ASCC3: variants seen among roughly 807,000 people sequenced by gnomAD.
ASCC3 encodes the protein ASC-1 complex subunit P200.
ASCC3 carries 158 observed loss-of-function variants against 256.3 expected under a neutral mutation model. The observed-to-expected ratio is 0.62, with a 90% CI of 0.54 to 0.70. The LOEUF (loss-of-function observed/expected upper bound fraction) is 0.70, where lower values mean the gene tolerates loss of function less well. Among genes scored for constraint, ASCC3 ranks in the 30% least tolerant of loss-of-function variants. The probability of loss-of-function intolerance (pLI) is 0.00; values close to 1 mark genes in which losing one functional copy is unlikely to be tolerated. For missense variants in ASCC3, 2,259 were observed against 2,626.0 expected (o/e 0.86, Z 3.05); for synonymous variants, 948 against 883.4 (o/e 1.07, Z -1.30).
intron 30 of ASCC3, among the ~76,000 whole-genome samples, chr6:100,613,159 G>T (rs574555592): frequency 2.7e-5 from 4 of 149,728 alleles, no homozygotes; most frequent in Admixed American, 2.0e-4. Flanking sequence ...TGTCTAGATT[G>T]CGTAGTGGGC....
intron 13 of ASCC3, among the ~76,000 whole-genome samples, chr6:100,686,330 G>C (rs1285864683): frequency 6.6e-6 from 1 of 152,012 alleles, no homozygotes; most frequent in Non-Finnish European, 1.5e-5. Context: ...TTCAAAATTA[G>C]AAAGTATAAA....
intron 3 of ASCC3, 36 bp downstream of exon 3, chr6:100,864,028 T>C (rs1018137856): frequency 7.0e-7 from 1 of 1,429,184 alleles, no homozygotes; most frequent in African/African-American, 1.5e-5. Flanking sequence ...TTACTGGTTC[T>C]CTTTAAAAAA....
intron 13 of ASCC3, among the ~76,000 whole-genome samples, chr6:100,700,473 G>A (rs1778303625): frequency 6.6e-6 from 1 of 152,178 alleles, no homozygotes. Context: ...AGAGCTGTGA[G>A]AAGAGGGCCA....
At chr6:100,641,787 G>A (rs950939421) in intron 24 of ASCC3, among the ~76,000 whole-genome samples, 3 of 152,154 alleles carry the variant, frequency 2.0e-5, no homozygotes, top group South Asian at 2.1e-4. Flanking sequence ...ATGACAGACT[G>A]CATTAAGAAA....
intron 20 of ASCC3, among the ~76,000 whole-genome samples, chr6:100,649,715 C>A (rs1170613933): frequency 6.6e-6 from 1 of 151,378 alleles, no homozygotes; most frequent in Non-Finnish European, 1.5e-5. Flanking sequence ...ACAGCAGAAT[C>A]ATTTCCATAT....
intron 4 of ASCC3, among the ~76,000 whole-genome samples, chr6:100,812,206 C>G (rs1353160041): frequency 6.6e-6 from 1 of 151,862 alleles, no homozygotes; most frequent in African/African-American, 2.4e-5. Flanking sequence ...AAACATGGGA[C>G]AAATATCCAG....
At chr6:100,728,470 C>T (rs982788651) in intron 10 of ASCC3, among the ~76,000 whole-genome samples, 2 of 151,888 alleles carry the variant, frequency 1.3e-5, no homozygotes, top group Admixed American at 6.6e-5. Context: ...TGCGTTGTGA[C>T]CCAGCAATTC....
rs776889165 is a variant in ASCC3 at position 100,601,804 on chromosome 6, A to T, written c.5303+6T>A. 6.2e-7 allele frequency: 1 copy of T among 1,611,962 alleles called. No individual in the cohort carries two copies. The highest frequency in any genetic ancestry group is 8.5e-7 in the Non-Finnish European group (1 of 1,178,492). ...CAGAAAGGTATATAACTGCCCTTGC[A>T]CTTACCTGGGATTCATGATAAGACG... On this transcript the variant is annotated splice_donor_region_variant and intron_variant, in intron 34 of 41. Coordinates refer to ENST00000369162, the MANE Select transcript of ASCC3 (RefSeq NM_006828.4).
chr6:100,564,000 T>G (rs1230141749), intron 36 of ASCC3, among the ~76,000 whole-genome samples: 3 of 152,038 alleles, frequency 2.0e-5, no homozygotes, highest in Non-Finnish European at 4.4e-5. Flanking sequence ...AGTTAGAAAA[T>G]GGTGCAGTTA....
chr6:100,647,478 G>T (rs1775439114), intron 20 of ASCC3, 27 bp from the exon 21 acceptor site: 1 of 1,570,322 alleles, frequency 6.4e-7, no homozygotes, highest in African/African-American at 1.4e-5. Flanking sequence ...GGAGATTGGT[G>T]GTTATACCCA....
chr6:100,510,132 A>G, intron 40 of ASCC3, 25 bp from the exon 41 acceptor site: 1 of 1,613,534 alleles, frequency 6.2e-7, no homozygotes, highest in Non-Finnish European at 8.5e-7. Flanking sequence ...AAAAGATACA[A>G]CATTAAAAAT....
chr6:100,779,364 AT>A (rs1193920143), intron 8 of ASCC3, among the ~76,000 whole-genome samples: 2 of 152,034 alleles, frequency 1.3e-5, no homozygotes, highest in African/African-American at 4.8e-5. Flanking sequence ...AGTTGCTGGG[AT>A]TCCCCTCATG....
chr6:100,630,521 C>T (rs542602647), intron 26 of ASCC3, among the ~76,000 whole-genome samples: 28 of 147,976 alleles, frequency 1.9e-4, no homozygotes, highest in Admixed American at 1.5e-3. Flanking sequence ...TCATTCTTTC[C>T]GTATAAAAAA....
chr6:100,608,097 C>CATATATATATATATATATGTATATAT (rs1391815541), intron 30 of ASCC3, among the ~76,000 whole-genome samples: 2 of 45,026 alleles, frequency 4.4e-5, no homozygotes, highest in African/African-American at 8.6e-5. Flanking sequence ...TATCTATATA[C>CATATATATATATATATATGTATATAT]ACATATATAT....
chr6:100,749,332 A>C (rs1780832671), intron 10 of ASCC3, among the ~76,000 whole-genome samples: 1 of 152,012 alleles, frequency 6.6e-6, no homozygotes, highest in South Asian at 2.1e-4. Flanking sequence ...CCTGGAAAAG[A>C]ATTTAACAAA....
At chr6:100,841,851 T>G (rs1424660758) in intron 4 of ASCC3, among the ~76,000 whole-genome samples, 3 of 152,226 alleles carry the variant, frequency 2.0e-5, no homozygotes, top group Admixed American at 6.5e-5. Flanking sequence ...ACAAGATAAC[T>G]ACTCCAGAAA....
intron 3 of ASCC3, among the ~76,000 whole-genome samples, chr6:100,855,583 A>T (rs1041584659): frequency 1.3e-5 from 2 of 152,224 alleles, no homozygotes; most frequent in African/African-American, 4.8e-5. Context: ...TGTCTTTGAA[A>T]CATTCAAAAC....
At position 100,794,450 on chromosome 6, in the gene ASCC3, T is replaced by C. The variant is rs117174046; in HGVS notation, c.1395+4263A>G. ...TTGTCTATCTGGCAAAAGTGTATGC[T>C]TTCATATCCTTCATGAAAGCTTCTT... is the stretch of plus-strand genomic sequence containing the variant. On this transcript the variant is annotated intron_variant, in intron 8 of 41. Coordinates refer to ENST00000369162, the MANE Select transcript of ASCC3 (RefSeq NM_006828.4). Among the ~76,000 whole-genome samples the C allele has an allele frequency of 6.5e-3, 991 of 152,180 alleles. 5 individuals carry two copies. The highest frequency in any genetic ancestry group is 0.011 in the Non-Finnish European group (727 of 67,994).
intron 1 of ASCC3, 145 bp from the exon 2 acceptor site, chr6:100,868,183 T>C: frequency 5.0e-6 from 3 of 605,658 alleles, no homozygotes; most frequent in African/African-American, 1.9e-5. Flanking sequence ...TCCTGACATA[T>C]TTTCTATCCA....
Sources: gnomAD v4.1 joint callset for allele counts (sites outside exome capture counted in the v4.1 genomes callset) on GRCh38, gnomAD v4.1.1 for gene constraint, MANE v1.5 for transcripts, NCBI Gene and HGNC (gene_info 2026-07-23, HGNC 2026-07-21) for gene names.